DTNB: variants seen among roughly 807,000 people sequenced by gnomAD.
The protein encoded by DTNB is DTN-B.
In DTNB, 63 loss-of-function variants were observed where a neutral mutation model predicts 90.7. That is an observed-to-expected ratio of 0.69 (90% CI 0.57 to 0.86). The LOEUF (loss-of-function observed/expected upper bound fraction) is 0.86, where lower values mean the gene tolerates loss of function less well. Ranked by LOEUF, DTNB falls within the 40% of genes least tolerant of loss-of-function variation. The pLI, the probability that DTNB is intolerant of heterozygous loss-of-function variation, is 0.00. For missense variants in DTNB, 744 were observed against 807.1 expected, an observed-to-expected ratio of 0.92 and a Z score of 0.95; for synonymous variants, 277 against 286.7, an observed-to-expected ratio of 0.97 and a Z score of 0.34.
At chr2:25,620,021 C>G (rs1197860163) in intron 4 of DTNB, among the ~76,000 whole-genome samples, 4 of 151,794 alleles carry the variant, frequency 2.6e-5, no homozygotes, top group Admixed American at 2.0e-4. Context: ...GCCTGGGCGA[C>G]AGAGTGAGAC....
intron 1 of DTNB, among the ~76,000 whole-genome samples, chr2:25,668,111 C>T (rs1451501730): frequency 2.6e-5 from 4 of 151,930 alleles, no homozygotes; most frequent in African/African-American, 4.8e-5. Flanking sequence ...TGGTGGCGGA[C>T]GCCTGTAGTC....
chr2:25,388,410 T>C (rs1473311132), intron 16 of DTNB, 49 bp from the exon 17 acceptor site: 2 of 1,546,002 alleles, frequency 1.3e-6, no homozygotes, highest in East Asian at 2.3e-5. Context: ...CCTGACCTCT[T>C]TGAGGAAGGA....
chr2:25,393,428 G>A (rs2041676280), intron 16 of DTNB, among the ~76,000 whole-genome samples: 1 of 152,168 alleles, frequency 6.6e-6, no homozygotes, highest in Non-Finnish European at 1.5e-5. Flanking sequence ...AATCGGTAAA[G>A]AGGAAGTCAA....
At chr2:25,545,627 G>A (rs558453430) in intron 8 of DTNB, among the ~76,000 whole-genome samples, 14 of 152,316 alleles carry the variant, frequency 9.2e-5, no homozygotes, top group African/African-American at 3.4e-4. Flanking sequence ...TACTGGGCCT[G>A]AGGAACTTTA....
intron 2 of DTNB, among the ~76,000 whole-genome samples, chr2:25,644,498 GTAA>G (rs1407287157): frequency 6.6e-6 from 1 of 152,240 alleles, no homozygotes; most frequent in African/African-American, 2.4e-5. Flanking sequence ...GTTCATGCCT[GTAA>G]TCCCAGCACT....
intron 10 of DTNB, among the ~76,000 whole-genome samples, chr2:25,473,945 C>T (rs940477634): frequency 1.3e-5 from 2 of 152,214 alleles, no homozygotes; most frequent in African/African-American, 2.4e-5. Context: ...TGGTCTATGA[C>T]GGATGTGACG....
chr2:25,396,755 G>C (rs201100464), intron 16 of DTNB, among the ~76,000 whole-genome samples: 1 of 88,680 alleles, frequency 1.1e-5, no homozygotes, highest in African/African-American at 4.7e-5. Context: ...AAAAAAAAAA[G>C]ACTGGTGCTA....
chr2:25,387,384 G>A lies in DTNB; in HGVS notation c.1736-6C>T. On this transcript the variant is annotated splice_region_variant and splice_polypyrimidine_tract_variant and intron_variant, in intron 17 of 20. Transcript: ENST00000406818. This position sits in a 1 kb window ranked among gnomAD's most constrained non-coding sequence, Gnocchi z 4.5. Reference sequence around the variant, plus strand: ...GCGGAGGTTTCTCCTCGTACCTGAGGAGAGGCAGAGCAGATGGGGATGCCA... The same window carrying A: ...GCGGAGGTTTCTCCTCGTACCTGAGAAGAGGCAGAGCAGATGGGGATGCCA... 6.2e-7 allele frequency: 1 copy of A among 1,610,942 alleles called. No individual in the cohort carries two copies. Among genetic ancestry groups the A allele is most frequent in the Non-Finnish European group, 8.5e-7 (1 of 1,178,052 alleles).
rs774525815 is a variant in DTNB, at chr2:25,387,360, C to A, written c.1754G>T (p.Arg585Leu). The A allele has an allele frequency of 6.2e-7, 1 of 1,612,150 alleles. No individual in the cohort carries two copies. The highest frequency in any genetic ancestry group is 1.1e-5 in the South Asian group (1 of 90,964). The change falls in exon 18 of 21, where the codon CGC becomes CTC. Residue 585 changes from arginine to leucine, a missense_variant. By Grantham distance (102) the Arg-to-Leu change is moderately radical. Transcript: ENST00000406818. The surrounding 1 kb of genome is among the most constrained non-coding windows in gnomAD (Gnocchi z 4.5). The stretch of plus-strand genomic sequence containing the variant: ...GTCAGCTGCCACCAGCAGGTCATTG[C>A]GGAGGTTTCTCCTCGTACCTGAGGA... ...AFAQGTRRNL[R>L]NDLLVAADSI...
At chr2:25,568,170 A>AAG (rs2059322821) in intron 8 of DTNB, among the ~76,000 whole-genome samples, 1 of 151,560 alleles carries the variant, frequency 6.6e-6, no homozygotes, top group African/African-American at 2.4e-5. Context: ...AAAAAAAAAA[A>AAG]GAGGAAAAGA....
chr2:25,492,979 G>C (rs1260757812), intron 9 of DTNB, among the ~76,000 whole-genome samples: 2 of 152,178 alleles, frequency 1.3e-5, no homozygotes, highest in Admixed American at 1.3e-4. Context: ...AAGTCATGCA[G>C]ACAGCCACGT....
At chr2:25,499,378 G>A (rs995105697) in intron 9 of DTNB, among the ~76,000 whole-genome samples, 72 of 152,216 alleles carry the variant, frequency 4.7e-4, no homozygotes, top group African/African-American at 1.6e-3. Context: ...GACAGGGGCT[G>A]GTTCTAGAGC....
intron 16 of DTNB, among the ~76,000 whole-genome samples, chr2:25,406,674 G>A (rs920643941): frequency 1.2e-4 from 18 of 152,098 alleles, no homozygotes; most frequent in African/African-American, 4.3e-4. Context: ...AACTGGCCCC[G>A]AATGTCACTA....
intron 6 of DTNB, among the ~76,000 whole-genome samples, chr2:25,584,809 G>A (rs984393568): frequency 6.6e-5 from 10 of 152,020 alleles, no homozygotes; most frequent in African/African-American, 1.9e-4. Context: ...CACCTGCCTC[G>A]GCCTCCCAGA....
At chr2:25,404,714 G>C (rs2044615213) in intron 16 of DTNB, among the ~76,000 whole-genome samples, 1 of 151,960 alleles carries the variant, frequency 6.6e-6, no homozygotes, top group South Asian at 2.1e-4. Context: ...AATTAGCCAG[G>C]CGTGGTGGCA....
intron 9 of DTNB, among the ~76,000 whole-genome samples, chr2:25,513,929 ACG>A (rs1362067450): frequency 2.0e-5 from 3 of 151,586 alleles, no homozygotes; most frequent in Non-Finnish European, 4.4e-5. Flanking sequence ...TGCCAGACCC[ACG>A]CCAGATAGGG....
At chr2:25,419,658 C>G in intron 15 of DTNB, 123 bp from the exon 16 acceptor site, 2 of 1,270,588 alleles carry the variant, frequency 1.6e-6, no homozygotes, top group South Asian at 3.0e-5. Context: ...CCAGGCCAGG[C>G]CCACAGGTGC....
intron 18 of DTNB, among the ~76,000 whole-genome samples, chr2:25,386,961 G>A (rs987581257): frequency 9.9e-5 from 15 of 152,174 alleles, no homozygotes; most frequent in Non-Finnish European, 2.1e-4. Context: ...TAGGGAGAGA[G>A]CGGCTGTGGA....
At chr2:25,438,690 C>T (rs930392582) in intron 12 of DTNB, among the ~76,000 whole-genome samples, 11 of 152,186 alleles carry the variant, frequency 7.2e-5, no homozygotes, top group African/African-American at 2.7e-4. Context: ...CCTAACTCCC[C>T]ATTCCTTAAG....
Sources: gnomAD v4.1 joint callset for allele counts (sites outside exome capture counted in the v4.1 genomes callset) on GRCh38, gnomAD v4.1.1 for gene constraint, Gnocchi (gnomAD v3.1) non-coding constraint, MANE v1.5 for transcripts, NCBI Gene and HGNC (gene_info 2026-07-23, HGNC 2026-07-21) for gene names.